Variants in MKLN1 observed in about 807,000 individuals in gnomAD.
The protein encoded by MKLN1 is muskelin 1.
Under a neutral mutation model 99.0 loss-of-function variants are expected in MKLN1, and 18 were observed. The observed-to-expected ratio is 0.18, with a 90% CI of 0.13 to 0.27. The LOEUF is 0.27. MKLN1 is among the 10% of genes least tolerant of loss of function. MKLN1 has a pLI of 1.00. For missense variants in MKLN1, 621 were observed against 875.9 expected (o/e 0.71, Z 3.67); for synonymous variants, 288 against 293.2 (o/e 0.98, Z 0.18).
At chr7:131,124,810 A>G (rs771578207) in intron 1 of MKLN1, among the ~76,000 whole-genome samples, 6 of 152,160 alleles carry the variant, frequency 3.9e-5, no homozygotes, top group Non-Finnish European at 8.8e-5. Flanking sequence ...AGAGGGCTGT[A>G]TTCTGCTGCC....
At chr7:131,299,715 T>C (rs1428791646) in intron 3 of MKLN1, among the ~76,000 whole-genome samples, 2 of 152,230 alleles carry the variant, frequency 1.3e-5, no homozygotes, top group African/African-American at 4.8e-5. Flanking sequence ...TCATCAGAAT[T>C]GTCTATTTCA....
intron 8 of MKLN1, among the ~76,000 whole-genome samples, chr7:131,415,745 A>G (rs556003109): frequency 5.9e-5 from 9 of 152,288 alleles, no homozygotes; most frequent in African/African-American, 2.2e-4. Flanking sequence ...AGAGTATAAT[A>G]AATATTCATA....
intron 2 of MKLN1, among the ~76,000 whole-genome samples, chr7:131,172,631 T>C (rs1235309677): frequency 1.3e-5 from 2 of 152,140 alleles, no homozygotes; most frequent in African/African-American, 4.8e-5. Flanking sequence ...AATTTATTGA[T>C]GAGCATACCT....
chr7:131,383,214 C>A (rs1051984560), intron 2 of MKLN1, among the ~76,000 whole-genome samples: 3 of 152,146 alleles, frequency 2.0e-5, no homozygotes, highest in Non-Finnish European at 2.9e-5. Flanking sequence ...ACAAATTACA[C>A]CTCCTTCCAG....
In MKLN1 at chr7:131,494,136, CTTAAA is replaced by C. The variant is rs371641506; in HGVS notation, c.*6413_*6417del. On this transcript the variant is annotated 3_prime_UTR_variant, in exon 18 of 18. Transcript: ENST00000352689. ...ATTGAACTGATACTAGTTTCCTTGC[CTTAAA>C]TTAATTATATGTCATCCCAAGGGTC... The C allele has an allele frequency of 6.6e-6, 1 of 152,250 alleles. No individual in the cohort carries two copies. The highest frequency in any genetic ancestry group is 2.4e-5 in the African/African-American group (1 of 41,548). The allele number at this position is 152,250 out of a possible 1,614,324, so 9.4% of individuals were successfully genotyped here.
At chr7:131,445,171 C>A (rs1369633258) in intron 11 of MKLN1, among the ~76,000 whole-genome samples, 2 of 151,596 alleles carry the variant, frequency 1.3e-5, no homozygotes, top group Admixed American at 6.6e-5. Flanking sequence ...CTGAGTATAT[C>A]TTTATATACA....
At position 131,492,905 on chromosome 7, in the gene MKLN1, C is replaced by T. The variant is rs558174874; in HGVS notation, c.*5177C>T. ...TCTCTAGTGGTGCAGAGAGAAATGC[C>T]ATCGGGGAAATTATCACTGTCTTTT... On this transcript the variant is annotated 3_prime_UTR_variant, in exon 18 of 18. Transcript: ENST00000352689. 1.7e-4 allele frequency: 26 copies of T among 152,220 alleles called. No individual in the cohort carries two copies. The highest frequency in any genetic ancestry group is 3.5e-4 in the Non-Finnish European group (24 of 68,030). The allele number at this position is 152,220 out of a possible 1,614,324, so 9.4% of individuals were successfully genotyped here.
At chr7:131,139,244 G>A (rs1795695388) in intron 1 of MKLN1, among the ~76,000 whole-genome samples, 1 of 152,152 alleles carries the variant, frequency 6.6e-6, no homozygotes, top group Non-Finnish European at 1.5e-5. Context: ...GGGTAACAGA[G>A]AGCCGGTGGT....
chr7:131,449,979 G>T (rs1796131978), intron 12 of MKLN1, among the ~76,000 whole-genome samples: 1 of 152,128 alleles, frequency 6.6e-6, no homozygotes, highest in South Asian at 2.1e-4. Context: ...TTACTGTTGG[G>T]TGCCTTAATT....
intron 12 of MKLN1, 31 bp downstream of exon 12, chr7:131,445,934 G>A: frequency 6.7e-7 from 1 of 1,494,008 alleles, no homozygotes; most frequent in Non-Finnish European, 9.1e-7. Context: ...CTTCTCTCAT[G>A]TCTTAACTAC....
chr7:131,483,010 C>T (rs540595601), intron 17 of MKLN1, among the ~76,000 whole-genome samples: 61 of 152,298 alleles, frequency 4.0e-4, no homozygotes, highest in Middle Eastern at 6.8e-3. Flanking sequence ...GGCTTCAGAG[C>T]GCCTTTTCTA....
At chr7:131,346,906 A>G (rs1799579560) in intron 1 of MKLN1, among the ~76,000 whole-genome samples, 1 of 152,258 alleles carries the variant, frequency 6.6e-6, no homozygotes, top group African/African-American at 2.4e-5. Flanking sequence ...ATCTAAAACA[A>G]AAGCAAAAAG....
At chr7:131,378,058 G>A (rs1793716882) in intron 2 of MKLN1, among the ~76,000 whole-genome samples, 1 of 152,132 alleles carries the variant, frequency 6.6e-6, no homozygotes, top group African/African-American at 2.4e-5. Context: ...TGTTTACTTA[G>A]TTGTATGAGA....
chr7:131,304,489 G>A (rs1798426161), intron 3 of MKLN1, among the ~76,000 whole-genome samples: 1 of 152,222 alleles, frequency 6.6e-6, no homozygotes, highest in African/African-American at 2.4e-5. Context: ...AGGCATGGCA[G>A]CTAACATATT....
chr7:131,418,941 C>T (rs1235957766), intron 8 of MKLN1, among the ~76,000 whole-genome samples: 2 of 152,126 alleles, frequency 1.3e-5, no homozygotes, highest in Admixed American at 6.5e-5. Context: ...AAACAGGTCT[C>T]TAGTTGTGAC....
intron 3 of MKLN1, among the ~76,000 whole-genome samples, chr7:131,209,286 A>G (rs60860909): frequency 0.022 from 3,412 of 152,320 alleles, 117 homozygotes; most frequent in African/African-American, 0.077. Context: ...GAAAGTTTTA[A>G]GCAAGGAAGT....
At chr7:131,414,818 A>G (rs1011055351) in intron 8 of MKLN1, 108 bp downstream of exon 8, 2 of 436,164 alleles carry the variant, frequency 4.6e-6, no homozygotes, top group East Asian at 5.5e-5. Context: ...CTCTTACACA[A>G]ATGAAATTAG....
intron 3 of MKLN1, among the ~76,000 whole-genome samples, chr7:131,282,570 A>C (rs1209426751): frequency 6.6e-6 from 1 of 152,166 alleles, no homozygotes. Flanking sequence ...ATAGAGGTCT[A>C]GGAGAAATAG....
intron 2 of MKLN1, among the ~76,000 whole-genome samples, chr7:131,183,059 G>A (rs996161430): frequency 1.3e-5 from 2 of 152,174 alleles, no homozygotes; most frequent in Non-Finnish European, 2.9e-5. Flanking sequence ...GAGTGGTTTT[G>A]CTACTCATAT....
Sources: allele counts gnomAD v4.1 joint callset (sites outside exome capture counted in the v4.1 genomes callset), GRCh38; gene constraint gnomAD v4.1.1; transcripts MANE v1.5; gene names NCBI Gene and HGNC (gene_info 2026-07-23, HGNC 2026-07-21).